COL4A1: variants seen among roughly 807,000 people sequenced by gnomAD.
The protein encoded by COL4A1 is collagen type IV alpha 1 chain.
In COL4A1, 40 loss-of-function variants were observed where a neutral mutation model predicts 216.6. That is an observed-to-expected ratio of 0.18 (90% CI 0.14 to 0.24). The LOEUF (loss-of-function observed/expected upper bound fraction) is 0.24. COL4A1 is among the 10% of genes least tolerant of loss of function. COL4A1 has a pLI of 1.00. For missense variants in COL4A1, 1,628 were observed against 2,196.8 expected (o/e 0.74, Z 5.18); for synonymous variants, 839 against 810.7 (o/e 1.03, Z -0.59).
chr13:110,168,027 CT>C (rs112520964), intron 43 of COL4A1, among the ~76,000 whole-genome samples: 64,361 of 150,378 alleles, frequency 0.43, 13,967 homozygotes, highest in African/African-American at 0.48. Flanking sequence ...TTTTCTTCCT[CT>C]TTTTTTTTTG....
Position 110,170,976 on chromosome 13 carries a change from G to A in COL4A1, c.3557-244C>T, listed in dbSNP as rs528416189. 8.4e-4 allele frequency among the ~76,000 whole-genome samples: 128 copies of A among 152,306 alleles called. 1 individual carries two copies. The highest frequency in any genetic ancestry group is 2.9e-3 in the African/African-American group (120 of 41,554). ...TCAGAATGCTAGGAACCCAGCTATC[G>A]TTTTCATACTTCTCACGAGACGTGT... On this transcript the variant is annotated intron_variant, in intron 41 of 51. Coordinates refer to ENST00000375820, the MANE Select transcript of COL4A1 (RefSeq NM_001845.6).
At chr13:110,198,081 G>A (rs926450060) in intron 21 of COL4A1, among the ~76,000 whole-genome samples, 1 of 127,674 alleles carries the variant, frequency 7.8e-6, no homozygotes, top group Non-Finnish European at 1.5e-5. Context: ...TTTCTGGGGT[G>A]TGTGTGTGTG....
intron 1 of COL4A1, chr13:110,298,684 T>C (rs1296240326): frequency 1.3e-5 from 2 of 152,286 alleles, no homozygotes. Context: ...TGGCCGGGCC[T>C]GGAGGAGGTG....
rs185731375 is a variant in COL4A1 at position 110,175,972 on chromosome 13, C to T, written c.3058+452G>A. ...CCTTCCCGCACTCTCCTCCTCTTCC[C>T]GGCTGCTCTCACTACAATAGACACT... On this transcript the variant is annotated intron_variant, in intron 36 of 51. Transcript: ENST00000375820. 5.9e-5 allele frequency among the ~76,000 whole-genome samples: 9 copies of T among 152,342 alleles called. No individual in the cohort carries two copies. In the East Asian group the frequency reaches 1.7e-3, roughly 29 times the overall value.
intron 1 of COL4A1, among the ~76,000 whole-genome samples, chr13:110,252,357 A>G (rs1882110136): frequency 6.6e-6 from 1 of 150,846 alleles, no homozygotes; most frequent in South Asian, 2.1e-4. Context: ...TCCATCTACA[A>G]TCTCCAAATT....
intron 2 of COL4A1, among the ~76,000 whole-genome samples, chr13:110,220,168 C>T (rs1880405692): frequency 6.6e-6 from 1 of 151,968 alleles, no homozygotes; most frequent in African/African-American, 2.4e-5. Flanking sequence ...GAACTCCTAA[C>T]CTCATGTGAT....
intron 1 of COL4A1, among the ~76,000 whole-genome samples, chr13:110,256,368 T>G (rs1882570647): frequency 6.6e-6 from 1 of 152,148 alleles, no homozygotes; most frequent in South Asian, 2.1e-4. Flanking sequence ...ACGAGGATGA[T>G]ACTCGGGAGG....
At chr13:110,204,482 C>T (rs1234732797) in intron 17 of COL4A1, among the ~76,000 whole-genome samples, 1 of 152,150 alleles carries the variant, frequency 6.6e-6, no homozygotes, top group African/African-American at 2.4e-5. Flanking sequence ...CCGTAGGCTA[C>T]TGAGGCCCTC....
intron 2 of COL4A1, among the ~76,000 whole-genome samples, chr13:110,235,494 C>T (rs545479213): frequency 3.4e-4 from 52 of 151,544 alleles, no homozygotes; most frequent in African/African-American, 1.2e-3. Context: ...ACTAAAAATA[C>T]AAAAAAATTA....
rs1391787340 is a variant in COL4A1, at chr13:110,247,832, TGTGG to T, written c.85-5102_85-5099del. ...GTGTGTGTGTGTGTGTGTGTGTGTG[TGTGG>T]CAGAGAGAGAGGGAGGGAGGGAGGG... On this transcript the variant is annotated intron_variant, in intron 1 of 51. Coordinates refer to ENST00000375820, the MANE Select transcript of COL4A1 (RefSeq NM_001845.6). Among the ~76,000 whole-genome samples the T allele has an allele frequency of 4.8e-3, 478 of 100,272 alleles. 7 individuals carry two copies. The highest frequency in any genetic ancestry group is 0.018 in the Middle Eastern group (4 of 218). The allele number at this position is 100,272 out of a possible 152,430, so 65.8% of individuals were successfully genotyped here.
chr13:110,224,945 T>C (rs987089166), intron 2 of COL4A1, among the ~76,000 whole-genome samples: 3 of 152,238 alleles, frequency 2.0e-5, no homozygotes, highest in African/African-American at 7.2e-5. Flanking sequence ...ATAAGAATTA[T>C]AGTTAATAAT....
At chr13:110,192,753 T>G (rs1594566676) in intron 23 of COL4A1, 77 bp downstream of exon 23, 3 of 1,296,018 alleles carry the variant, frequency 2.3e-6, no homozygotes, top group Non-Finnish European at 3.3e-6. Context: ...TTCTATGGAG[T>G]GAAATCCCTT....
At chr13:110,193,075 G>A (rs1878717274) in intron 22 of COL4A1, among the ~76,000 whole-genome samples, 162 bp from the exon 23 acceptor site, 1 of 152,240 alleles carries the variant, frequency 6.6e-6, no homozygotes, top group South Asian at 2.1e-4. Flanking sequence ...CTGCTAATGG[G>A]TGGAAACTGC....
chr13:110,261,978 C>A (rs1380414026), intron 1 of COL4A1, among the ~76,000 whole-genome samples: 1 of 152,092 alleles, frequency 6.6e-6, no homozygotes, highest in Admixed American at 6.5e-5. Flanking sequence ...TGTGACCGGG[C>A]GGGAAGCTGG....
intron 2 of COL4A1, among the ~76,000 whole-genome samples, chr13:110,235,446 C>G (rs1012485683): frequency 2.0e-5 from 3 of 152,108 alleles, no homozygotes; most frequent in Admixed American, 6.5e-5. Context: ...GTCAGGAGAT[C>G]GAGACCTTCC....
chr13:110,153,652 G>A (rs781586590), intron 50 of COL4A1, among the ~76,000 whole-genome samples: 19 of 152,150 alleles, frequency 1.2e-4, no homozygotes, highest in South Asian at 8.3e-4. Context: ...TGGCTCTCTC[G>A]ATAAAGTAGT....
At chr13:110,204,082 T>C (rs1251094391) in intron 17 of COL4A1, among the ~76,000 whole-genome samples, 1 of 152,226 alleles carries the variant, frequency 6.6e-6, no homozygotes, top group Non-Finnish European at 1.5e-5. Context: ...TAATGTAAAA[T>C]CTAATATTAA....
At chr13:110,242,355 A>C (rs1338403089) in intron 2 of COL4A1, among the ~76,000 whole-genome samples, 1 of 152,250 alleles carries the variant, frequency 6.6e-6, no homozygotes, top group Non-Finnish European at 1.5e-5. Flanking sequence ...TGTTAAAATT[A>C]GTTCTTATAC....
chr13:110,195,808 A>G (rs1050025560), intron 21 of COL4A1, among the ~76,000 whole-genome samples: 3 of 152,224 alleles, frequency 2.0e-5, no homozygotes, highest in Non-Finnish European at 4.4e-5. Context: ...ACAGTGAACA[A>G]CTTGGTATCC....
Sources: gnomAD v4.1 joint callset for allele counts (sites outside exome capture counted in the v4.1 genomes callset) on GRCh38, gnomAD v4.1.1 for gene constraint, MANE v1.5 for transcripts, NCBI Gene and HGNC (gene_info 2026-07-23, HGNC 2026-07-21) for gene names.